KCNIP4: variants seen among roughly 807,000 people sequenced by gnomAD.
The protein encoded by KCNIP4 is Kv channel-interacting protein 4.
KCNIP4 carries 12 observed loss-of-function variants against 34.0 expected under a neutral mutation model. The ratio of observed to expected loss-of-function variants is 0.35; its 90% CI spans 0.23 to 0.57. The LOEUF (loss-of-function observed/expected upper bound fraction) is 0.57, where lower values mean the gene tolerates loss of function less well. Among genes scored for constraint, KCNIP4 ranks in the 20% least tolerant of loss-of-function variants. The pLI is 0.83. For missense variants in KCNIP4, 238 were observed against 311.7 expected (o/e 0.76, Z 1.78); for synonymous variants, 124 against 102.2 (o/e 1.21, Z -1.29).
intron 1 of KCNIP4, among the ~76,000 whole-genome samples, chr4:21,332,105 G>C (rs951867033): frequency 6.6e-6 from 1 of 152,002 alleles, no homozygotes; most frequent in Admixed American, 6.6e-5. Flanking sequence ...TTAAAAGCTA[G>C]TGTTAATCCA....
intron 1 of KCNIP4, among the ~76,000 whole-genome samples, chr4:21,808,095 T>C (rs1721410945): frequency 6.6e-6 from 1 of 152,348 alleles, no homozygotes; most frequent in East Asian, 1.9e-4. Context: ...TTGACATATG[T>C]ATATCATATA....
chr4:21,322,152 AGAAG>A (rs200900508), intron 1 of KCNIP4, among the ~76,000 whole-genome samples: 3,642 of 136,718 alleles, frequency 0.027, 50 homozygotes, highest in South Asian at 0.042. Context: ...AGGGAGGGAC[AGAAG>A]GAAGGAAGGA....
chr4:21,093,815 G>A (rs1747214549), intron 1 of KCNIP4, among the ~76,000 whole-genome samples: 1 of 152,162 alleles, frequency 6.6e-6, no homozygotes, highest in Admixed American at 6.5e-5. Flanking sequence ...AGGCACGTTG[G>A]CTGACGCCTG....
intron 1 of KCNIP4, among the ~76,000 whole-genome samples, chr4:20,982,028 A>G (rs1257701045): frequency 6.6e-6 from 1 of 152,342 alleles, no homozygotes; most frequent in East Asian, 1.9e-4. Context: ...CGAAGTTTGA[A>G]TCTGCAAACC....
chr4:21,043,493 C>T (rs571799330), intron 1 of KCNIP4, among the ~76,000 whole-genome samples: 11 of 145,012 alleles, frequency 7.6e-5, no homozygotes, highest in Middle Eastern at 3.5e-3. Flanking sequence ...CCATGCCCAG[C>T]TAATTTTTTT....
intron 1 of KCNIP4, among the ~76,000 whole-genome samples, chr4:21,399,446 A>T: frequency 6.6e-6 from 1 of 152,216 alleles, no homozygotes; most frequent in East Asian, 1.9e-4. Context: ...GATTAAATGG[A>T]TTCCTAATGA....
intron 1 of KCNIP4, among the ~76,000 whole-genome samples, chr4:21,098,572 A>C (rs4572877): frequency 0.16 from 24,243 of 152,166 alleles, 2,042 homozygotes; most frequent in East Asian, 0.23. Context: ...ATAACAGTAC[A>C]TCTGTTTACA....
intron 1 of KCNIP4, among the ~76,000 whole-genome samples, chr4:21,790,081 A>G (rs1159262637): frequency 6.6e-6 from 1 of 152,208 alleles, no homozygotes; most frequent in Non-Finnish European, 1.5e-5. Context: ...GCTCCAGGCA[A>G]AGCCATTATG....
intron 1 of KCNIP4, among the ~76,000 whole-genome samples, chr4:21,450,023 C>G (rs775671119): frequency 2.2e-4 from 33 of 152,044 alleles, no homozygotes; most frequent in Non-Finnish European, 4.7e-4. Context: ...TTAGAACAAG[C>G]CTACAGAGTT....
chr4:21,074,958 T>C (rs1325610798), intron 1 of KCNIP4, among the ~76,000 whole-genome samples: 1 of 152,190 alleles, frequency 6.6e-6, no homozygotes, highest in Non-Finnish European at 1.5e-5. Context: ...TTGAGCGAGT[T>C]TCTTAATCCT....
intron 1 of KCNIP4, among the ~76,000 whole-genome samples, chr4:21,611,485 T>G (rs551264320): frequency 6.6e-6 from 1 of 152,238 alleles, no homozygotes; most frequent in South Asian, 2.1e-4. Flanking sequence ...GAGATTACAA[T>G]TCAGTATGAG....
At chr4:21,505,117 A>G (rs1733725063) in intron 1 of KCNIP4, among the ~76,000 whole-genome samples, 1 of 152,202 alleles carries the variant, frequency 6.6e-6, no homozygotes, top group Admixed American at 6.5e-5. Context: ...CTTTCAAAGC[A>G]GTGTCATATA....
At chr4:21,637,944 A>G (rs1746338767) in intron 1 of KCNIP4, among the ~76,000 whole-genome samples, 1 of 152,076 alleles carries the variant, frequency 6.6e-6, no homozygotes, top group Non-Finnish European at 1.5e-5. Context: ...ATGTCTCCCA[A>G]TTTTAATGTC....
intron 2 of KCNIP4, among the ~76,000 whole-genome samples, chr4:20,852,559 T>C (rs1721150184): frequency 6.6e-6 from 1 of 152,068 alleles, no homozygotes; most frequent in Middle Eastern, 3.2e-3. Flanking sequence ...CCTCTGAGAA[T>C]GGAAACAAGA....
At chr4:21,474,945 G>C (rs1244158503) in intron 1 of KCNIP4, among the ~76,000 whole-genome samples, 5 of 147,752 alleles carry the variant, frequency 3.4e-5, no homozygotes, top group Admixed American at 6.8e-5. Flanking sequence ...AGGTTGCAGT[G>C]AGCCGAGACT....
chr4:21,199,275 T>A (rs1170287669), intron 1 of KCNIP4, among the ~76,000 whole-genome samples: 4 of 152,234 alleles, frequency 2.6e-5, no homozygotes, highest in Non-Finnish European at 4.4e-5. Flanking sequence ...CTAACTAGTG[T>A]GAGATGGTAT....
chr4:21,412,290 C>T (rs1172927010), intron 1 of KCNIP4, among the ~76,000 whole-genome samples: 3 of 152,180 alleles, frequency 2.0e-5, no homozygotes, highest in Non-Finnish European at 1.5e-5. Context: ...GATCCCATTG[C>T]ATCTCATGAA....
At chr4:21,901,498 A>G (rs1264901135) in intron 1 of KCNIP4, among the ~76,000 whole-genome samples, 1 of 152,162 alleles carries the variant, frequency 6.6e-6, no homozygotes, top group Non-Finnish European at 1.5e-5. Context: ...ATGTGCCCAC[A>G]CCCCATGAGG....
At chr4:20,885,985 A>G (rs1725262663) in intron 1 of KCNIP4, among the ~76,000 whole-genome samples, 1 of 152,198 alleles carries the variant, frequency 6.6e-6, no homozygotes, top group African/African-American at 2.4e-5. Context: ...ATGAACAGTT[A>G]TTATAGATGC....
Sources: allele counts gnomAD v4.1 joint callset (sites outside exome capture counted in the v4.1 genomes callset), GRCh38; gene constraint gnomAD v4.1.1; transcripts MANE v1.5; gene names NCBI Gene and HGNC (gene_info 2026-07-23, HGNC 2026-07-21).